The following FLOT1 variants were observed in gnomAD, a reference collection of about 807,000 sequenced individuals.
FLOT1 encodes flotillin 1, also known as flotillin-1.
FLOT1 carries 40 observed loss-of-function variants against 58.4 expected under a neutral mutation model. That is an observed-to-expected ratio of 0.69 (90% CI 0.53 to 0.89). The LOEUF is 0.89. FLOT1 is among the 40% of genes least tolerant of loss of function. The pLI is 0.00. For synonymous variants in FLOT1, 178 were observed against 204.2 expected (o/e 0.87, Z 1.09); for missense variants, 423 against 540.8 (o/e 0.78, Z 2.16).
In FLOT1 at chr6:30,742,483, T is replaced by A. The variant is rs893777632; in HGVS notation, c.-15+44A>T. Reference sequence around the variant, plus strand: ...CCTGCAGACCTTTCCCCTCTCTCCCTGCTTCTCGGCAGCCCCAGGCTCCAT... The same window carrying A: ...CCTGCAGACCTTTCCCCTCTCTCCCAGCTTCTCGGCAGCCCCAGGCTCCAT... On this transcript the variant is annotated intron_variant, in intron 1 of 12. Transcript: ENST00000376389. The surrounding 1 kb of genome is among the most constrained non-coding windows in gnomAD (Gnocchi z 5.2). The A allele has an allele frequency of 6.6e-5, 32 of 481,846 alleles. No individual in the cohort carries two copies. Among genetic ancestry groups the A allele is most frequent in the African/African-American group, 5.1e-4 (25 of 49,454 alleles). The allele number at this position is 481,846 out of a possible 1,614,324, so 29.8% of individuals were successfully genotyped here. A position where few individuals can be genotyped will look rare whatever the true frequency, so the allele number is the denominator to read the frequency against.
In FLOT1 at chr6:30,737,246, G is replaced by GTCCGTCCGTCCATCCATCCATCCA. The variant is rs1554208614; in HGVS notation, c.723+2911_723+2912insTGGATGGATGGATGGACGGACGGA. ...CGTCCGTCCGTCCGTCCGTCCGTCC[G>GTCCGTCCGTCCATCCATCCATCCA]TCCATCCGTCCATCCATCCATCCAT... On this transcript the variant is annotated intron_variant, in intron 8 of 12. Transcript: ENST00000376389. This position sits in a 1 kb window ranked among gnomAD's most constrained non-coding sequence, Gnocchi z 4.4. Among the ~76,000 whole-genome samples, 52 of 145,392 alleles carry GTCCGTCCGTCCATCCATCCATCCA rather than the reference G, an allele frequency of 3.6e-4. No homozygotes were observed. The highest frequency in any genetic ancestry group is 3.5e-3 in the Middle Eastern group (1 of 286).
chr6:30,741,752 A>G lies in FLOT1; in HGVS notation c.119+40T>C. On this transcript the variant is annotated intron_variant, in intron 3 of 12. Transcript: ENST00000376389. The surrounding 1 kb of genome is among the most constrained non-coding windows in gnomAD (Gnocchi z 5.9). ...ACAGTAAGAAGAGGAGGAAAAAGAG[A>G]AAACGGAGGTCCCCCTTCCCTGGTT... is the stretch of plus-strand genomic sequence containing the variant. The G allele has an allele frequency of 6.2e-7, 1 of 1,611,028 alleles. No individual in the cohort carries two copies. Among genetic ancestry groups the G allele is most frequent in the South Asian group, 1.1e-5 (1 of 91,042 alleles).
chr6:30,736,365 G>A (rs1777564119), intron 8 of FLOT1: 1 of 151,560 alleles, frequency 6.6e-6, no homozygotes, highest in African/African-American at 2.4e-5. Flanking sequence ...AGTTCAATCT[G>A]TAACTGACTG....
At chr6:30,733,652 A>G (rs2127768385) in intron 8 of FLOT1, among the ~76,000 whole-genome samples, 1 of 151,602 alleles carries the variant, frequency 6.6e-6, no homozygotes, top group Non-Finnish European at 1.5e-5. Flanking sequence ...GAGGTAGGAG[A>G]ATCGCTTGAA....
At chr6:30,740,021 T>TG in intron 8 of FLOT1, 137 bp downstream of exon 8, 1 of 774,316 alleles carries the variant, frequency 1.3e-6, no homozygotes, top group Non-Finnish European at 2.1e-6. Flanking sequence ...TCTCCTCATA[T>TG]GGGGGAGTTG....
At chr6:30,733,284 C>T (rs2127767824) in intron 8 of FLOT1, among the ~76,000 whole-genome samples, 1 of 152,282 alleles carries the variant, frequency 6.6e-6, no homozygotes, top group East Asian at 1.9e-4. Context: ...GATCCACCTG[C>T]TTCGGCTTCC....
At chr6:30,728,213 G>A (rs1776875271) in intron 12 of FLOT1, 68 bp from the exon 13 acceptor site, 1 of 1,441,546 alleles carries the variant, frequency 6.9e-7, no homozygotes, top group Non-Finnish European at 9.8e-7. Flanking sequence ...ACTCTCCCGG[G>A]CCCCAGTTTA....
intron 8 of FLOT1, among the ~76,000 whole-genome samples, chr6:30,739,925 G>A (rs1361236947): frequency 6.6e-6 from 1 of 152,242 alleles, no homozygotes; most frequent in African/African-American, 2.4e-5. Context: ...GCCTCCCAAA[G>A]TGCTGGGATT....
At chr6:30,738,969 C>T (rs1057353019) in intron 8 of FLOT1, among the ~76,000 whole-genome samples, 2 of 152,156 alleles carry the variant, frequency 1.3e-5, no homozygotes, top group African/African-American at 2.4e-5. Context: ...GAAAGTGCTG[C>T]GACTTTATTG....
At position 30,728,096 on chromosome 6, in the gene FLOT1, C is replaced by A. The variant is rs769386357; in HGVS notation, c.*20G>T. On this transcript the variant is annotated 3_prime_UTR_variant, in exon 13 of 13. Transcript: ENST00000376389. ...AGGCAACTTCAGCTATGAGGCTGGG[C>A]ATCTGTGAGGGCTGAAGGCTCAGGC... 1 of 1,612,220 alleles carries A rather than the reference C, an allele frequency of 6.2e-7. No individual in the cohort carries two copies. The highest frequency in any genetic ancestry group is 8.5e-7 in the Non-Finnish European group (1 of 1,179,286).
Position 30,730,451 on chromosome 6 carries a change from T to C in FLOT1, c.1066A>G (p.Met356Val). ...ACCTGGGGCAGCTTCTCTAGCAGCA[T>C]GTCCAGCTGAGCAGCCTCTTGGTAC... ...QLYQEAAQLD[M>V]LLEKLPQVAE... is the part of the protein sequence containing the mutation. The change falls in exon 11 of 13, where the codon ATG (methionine) becomes GTG (valine). Residue 356 changes from methionine to valine, a missense_variant. Physicochemically the swap from Met to Val is conservative, Grantham distance 21. This residue lies in a region of FLOT1 where 42 missense variants were observed against 74.4 expected (regional missense o/e 0.56). Coordinates refer to ENST00000376389, the MANE Select transcript of FLOT1 (RefSeq NM_005803.4). The C allele has an allele frequency of 6.3e-7, 1 of 1,582,940 alleles. No individual in the cohort carries two copies. The highest frequency in any genetic ancestry group is 8.6e-7 in the Non-Finnish European group (1 of 1,162,066).
chr6:30,730,354 G>T, intron 11 of FLOT1, 74 bp downstream of exon 11: 2 of 1,514,552 alleles, frequency 1.3e-6, no homozygotes, highest in Non-Finnish European at 1.8e-6. Flanking sequence ...TTCTCCCTAA[G>T]CCCCTCACTA....
rs776148340 is a variant in FLOT1 at position 30,741,516 on chromosome 6, G to T, written c.210+98C>A. On this transcript the variant is annotated intron_variant, in intron 4 of 12. Transcript: ENST00000376389. This position sits in a 1 kb window ranked among gnomAD's most constrained non-coding sequence, Gnocchi z 5.9. ...GACTAGCAGAGGAACTTCTCTGCAG[G>T]CAAGGGTTGAGAAGACTGTGGCCAG... 1 of 1,276,198 alleles carries T rather than the reference G, an allele frequency of 7.8e-7. No individual in the cohort carries two copies. The allele number at this position is 1,276,198 out of a possible 1,614,324, so 79.1% of individuals were successfully genotyped here. A position where few individuals can be genotyped will look rare whatever the true frequency, so the allele number is the denominator to read the frequency against.
chr6:30,737,868 T>C lies in FLOT1; in HGVS notation c.723+2290A>G, dbSNP rs1287183292. ...CTTTTCTGCCTCACCTCCATATTTATAGCCTCACCTCCAAAATGGTGTCTA... is the reference window on the plus strand; with the variant it reads ...CTTTTCTGCCTCACCTCCATATTTACAGCCTCACCTCCAAAATGGTGTCTA... On this transcript the variant is annotated intron_variant, in intron 8 of 12. Coordinates refer to ENST00000376389, the MANE Select transcript of FLOT1 (RefSeq NM_005803.4). This position sits in a 1 kb window ranked among gnomAD's most constrained non-coding sequence, Gnocchi z 4.4. Among the ~76,000 whole-genome samples the C allele has an allele frequency of 6.6e-6, 1 of 152,118 alleles. No homozygotes were observed. The highest frequency in any genetic ancestry group is 6.5e-5 in the Admixed American group (1 of 15,278).
intron 8 of FLOT1, among the ~76,000 whole-genome samples, chr6:30,732,999 C>A (rs1381457272): frequency 6.6e-6 from 1 of 152,070 alleles, no homozygotes; most frequent in African/African-American, 2.4e-5. Flanking sequence ...AATATAAAGA[C>A]AATATTTTTT....
In FLOT1 at chr6:30,734,046, G is replaced by GGA. The variant is rs1395740401; in HGVS notation, c.724-2947_724-2946insTC. On this transcript the variant is annotated intron_variant, in intron 8 of 12. Transcript: ENST00000376389. ...GACAACAGAGCAAGACCCTGTCTCT[G>GGA]AAAAAAAAAAAAAAAAAAAAAAAAA... Among the ~76,000 whole-genome samples, 197 of 48,786 alleles carry GGA rather than the reference G, an allele frequency of 4.0e-3. 1 individual carries two copies. The highest frequency in any genetic ancestry group is 8.8e-3 in the African/African-American group (130 of 14,836). The allele number at this position is 48,786 out of a possible 152,430, so 32.0% of individuals were successfully genotyped here. A position where few individuals can be genotyped will look rare whatever the true frequency, so the allele number is the denominator to read the frequency against.
At position 30,727,959 on chromosome 6, in the gene FLOT1, C is replaced by T; in HGVS notation, c.*157G>A. ...GTGAGGTTGGCAAGGGGAGCAACCC[C>T]CTTCAAGACAAGGCACAAACTATTT... is the stretch of plus-strand genomic sequence containing the variant. On this transcript the variant is annotated 3_prime_UTR_variant, in exon 13 of 13. Transcript: ENST00000376389. 1.4e-6 allele frequency: 1 copy of T among 734,852 alleles called. No individual in the cohort carries two copies. 45.5% of individuals were successfully genotyped at this position (734,852 alleles called of 1,614,324 possible).
At position 30,730,991 on chromosome 6, in the gene FLOT1, T is replaced by TGGA; in HGVS notation, c.832_833insTCC (p.Glu278delinsValGln). ...TGGCTTCCGCACCCGGGCCTCCAGC[T>TGGA]CCTTCTCCCGCCGGGCGATCTCCTG... On this transcript the variant is annotated protein_altering_variant, in exon 9 of 13. Transcript: ENST00000376389. 6.2e-7 allele frequency: 1 copy of TGGA among 1,613,902 alleles called. No homozygotes were observed. Among genetic ancestry groups the TGGA allele is most frequent in the Non-Finnish European group, 8.5e-7 (1 of 1,179,994 alleles).
Position 30,742,281 on chromosome 6 carries a change from TC to T in FLOT1, c.-14-79del, listed in dbSNP as rs751080692. ...TCCACAGGGGCCCATCCTTTCCCTT[TC>T]CCGTCAGGCCCTCCCAGTCTGCATC... On this transcript the variant is annotated intron_variant, in intron 1 of 12. Coordinates refer to ENST00000376389, the MANE Select transcript of FLOT1 (RefSeq NM_005803.4). The surrounding 1 kb of genome is among the most constrained non-coding windows in gnomAD (Gnocchi z 5.2). The T allele has an allele frequency of 5.5e-6, 7 of 1,261,492 alleles. No individual in the cohort carries two copies. The highest frequency in any genetic ancestry group is 7.0e-6 in the Non-Finnish European group (6 of 860,718). 78.1% of individuals were successfully genotyped at this position (1,261,492 alleles called of 1,614,324 possible). A position where few individuals can be genotyped will look rare whatever the true frequency, so the allele number is the denominator to read the frequency against.
Sources: allele counts gnomAD v4.1 joint callset (sites outside exome capture counted in the v4.1 genomes callset), GRCh38; gene constraint gnomAD v4.1.1; regional missense constraint gnomAD v4.1.1; non-coding constraint Gnocchi (gnomAD v3.1); transcripts MANE v1.5; gene names NCBI Gene and HGNC (gene_info 2026-07-23, HGNC 2026-07-21).